The following ARAP2 variants were observed in gnomAD, a reference collection of about 807,000 sequenced individuals.
ARAP2 encodes the protein ArfGAP with RhoGAP domain, ankyrin repeat and PH domain 2.
In ARAP2, 148 loss-of-function variants were observed where a neutral mutation model predicts 194.5. The observed-to-expected ratio is 0.76, with a 90% CI of 0.67 to 0.87. The LOEUF is 0.87. Among genes scored for constraint, ARAP2 ranks in the 40% least tolerant of loss-of-function variants. ARAP2 has a pLI of 0.00. For synonymous variants in ARAP2, 695 were observed against 683.5 expected (o/e 1.02, Z -0.26); for missense variants, 2,128 against 1,989.7 (o/e 1.07, Z -1.32).
At chr4:36,178,698 C>T (rs1221529434) in intron 8 of ARAP2, among the ~76,000 whole-genome samples, 1 of 152,092 alleles carries the variant, frequency 6.6e-6, no homozygotes, top group African/African-American at 2.4e-5. Context: ...AAGATTTGAA[C>T]ACATAATGGA....
At chr4:36,189,766 C>G (rs1452544024) in intron 7 of ARAP2, among the ~76,000 whole-genome samples, 3 of 152,200 alleles carry the variant, frequency 2.0e-5, no homozygotes. Context: ...CTTATCTATT[C>G]ATTTCACTCA....
At chr4:36,158,629 T>A in intron 15 of ARAP2, 101 bp downstream of exon 15, 1 of 1,021,096 alleles carries the variant, frequency 9.8e-7, no homozygotes. Flanking sequence ...TACTTGGAGA[T>A]CAAATCTAAC....
At position 36,148,390 on chromosome 4, in the gene ARAP2, A is replaced by G. The variant is rs745718730; in HGVS notation, c.3000+15T>C. ...TCTTCTCTGGATTTAGAGCAGTAAC[A>G]TAATATTTAAATACCTTGGCTATTG... On this transcript the variant is annotated intron_variant, in intron 17 of 32. Transcript: ENST00000303965. The G allele has an allele frequency of 2.5e-6, 4 of 1,595,436 alleles. No homozygotes were observed. The highest frequency in any genetic ancestry group is 2.2e-5 in the East Asian group (1 of 44,676).
chr4:36,014,285 GAAAGA>G (rs1560264347), intron 8 of ARAP2, among the ~76,000 whole-genome samples: 1 of 133,998 alleles, frequency 7.5e-6, no homozygotes, highest in African/African-American at 2.8e-5. Context: ...AAGAAAGAAA[GAAAGA>G]AAGAAAGAAG....
intron 9 of ARAP2, among the ~76,000 whole-genome samples, chr4:36,169,379 G>A (rs1340347159): frequency 1.3e-5 from 2 of 152,104 alleles, no homozygotes; most frequent in Admixed American, 1.3e-4. Context: ...TATGGAAACT[G>A]ATGAGCCTCA....
At chr4:36,193,507 C>T in intron 7 of ARAP2, 71 bp downstream of exon 7, 3 of 1,036,244 alleles carry the variant, frequency 2.9e-6, no homozygotes, top group South Asian at 1.9e-5. Context: ...TCTTAAAAAC[C>T]AAACTGCTTG....
At chr4:36,011,673 C>CTTATATTGAT (rs1429943331) in intron 9 of ARAP2, among the ~76,000 whole-genome samples, 2 of 152,106 alleles carry the variant, frequency 1.3e-5, no homozygotes, top group Non-Finnish European at 2.9e-5. Flanking sequence ...CATTCTCCTC[C>CTTATATTGAT]TTATATTGAT....
At chr4:36,151,945 C>A (rs1316072605) in intron 15 of ARAP2, among the ~76,000 whole-genome samples, 2 of 152,078 alleles carry the variant, frequency 1.3e-5, no homozygotes, top group Non-Finnish European at 2.9e-5. Flanking sequence ...CTGTAAGTCT[C>A]AAATTATTAG....
Position 36,193,082 on chromosome 4 carries a change from G to A in ARAP2, c.1557+496C>T, listed in dbSNP as rs150961526. Among the ~76,000 whole-genome samples the A allele has an allele frequency of 3.4e-3, 520 of 152,298 alleles. 1 individual carries two copies. Among genetic ancestry groups the A allele is most frequent in the Middle Eastern group, 6.8e-3 (2 of 292 alleles). On this transcript the variant is annotated intron_variant, in intron 7 of 32. Transcript: ENST00000303965. Reference sequence around the variant, plus strand: ...CCAAGAGATGTGTTTATACCGATTTGATGCTCTGAGTCACTGCAAAATGAA... The same window carrying A: ...CCAAGAGATGTGTTTATACCGATTTAATGCTCTGAGTCACTGCAAAATGAA...
chr4:36,143,237 C>T (rs1364865718), intron 19 of ARAP2, among the ~76,000 whole-genome samples: 1 of 151,684 alleles, frequency 6.6e-6, no homozygotes, highest in African/African-American at 2.4e-5. Flanking sequence ...GGTGGACCTC[C>T]CTTCTCTCTA....
chr4:36,062,947 T>C (rs1724699991), downstream of ARAP2, among the ~76,000 whole-genome samples: 1 of 152,326 alleles, frequency 6.6e-6, no homozygotes, highest in African/African-American at 2.4e-5. Flanking sequence ...TCATTAGAAA[T>C]TAAATGTGAT....
chr4:36,093,778 C>A (rs192434271), intron 27 of ARAP2, among the ~76,000 whole-genome samples: 3 of 152,240 alleles, frequency 2.0e-5, no homozygotes, highest in Admixed American at 2.0e-4. Context: ...CCTCCTCCTT[C>A]CGTTTGGAGT....
chr4:36,209,060 A>G (rs1746180367), intron 6 of ARAP2, among the ~76,000 whole-genome samples: 1 of 152,156 alleles, frequency 6.6e-6, no homozygotes, highest in African/African-American at 2.4e-5. Context: ...CCAACCCTGT[A>G]AAGAGCAAGA....
In ARAP2 at chr4:36,167,237, G is replaced by A. The variant is rs556928781; in HGVS notation, c.1858-190C>T. 1.8e-4 allele frequency among the ~76,000 whole-genome samples: 27 copies of A among 152,166 alleles called. 1 individual carries two copies. The highest frequency in any genetic ancestry group is 3.4e-3 in the Middle Eastern group (1 of 294). On this transcript the variant is annotated intron_variant, in intron 9 of 32. Transcript: ENST00000303965. Reference sequence around the variant, plus strand: ...GCTTGACAGTTGGACTATTGATAGCGTATGGGTTTCTTCCATGTGAAAGAA... The same window carrying A: ...GCTTGACAGTTGGACTATTGATAGCATATGGGTTTCTTCCATGTGAAAGAA...
chr4:36,218,482 T>C (rs1386131835), intron 2 of ARAP2, among the ~76,000 whole-genome samples: 1 of 151,724 alleles, frequency 6.6e-6, no homozygotes, highest in Non-Finnish European at 1.5e-5. Flanking sequence ...GCCAAAGACA[T>C]CAACCTATAG....
chr4:36,166,563 A>C (rs113563451), intron 10 of ARAP2, among the ~76,000 whole-genome samples: 3 of 152,176 alleles, frequency 2.0e-5, no homozygotes, highest in African/African-American at 4.8e-5. Context: ...GTATTTGATC[A>C]GGCTAAAAGA....
rs1458975424 is a variant in ARAP2 at position 36,068,196 on chromosome 4, G to A, written c.4826C>T (p.Ala1609Val). The change falls in exon 33 of 33, where the codon GCT (alanine) becomes GTT (valine). Residue 1609 changes from alanine (A) to valine (V), a missense_variant. Ala to Val is a moderately conservative substitution (Grantham distance 64). Coordinates refer to ENST00000303965, the MANE Select transcript of ARAP2 (RefSeq NM_015230.4). ...CTCCAGGCAGTGGGCCACCATGGAA[G>A]CTCTCTCCTTTAAGCTAGAGTCCAC... ...ESVDSSLKER[A>V]SMVAHCLEHK... 6.2e-7 allele frequency: 1 copy of A among 1,613,740 alleles called. No homozygotes were observed. The highest frequency in any genetic ancestry group is 1.7e-5 in the Admixed American group (1 of 59,940).
intron 28 of ARAP2, among the ~76,000 whole-genome samples, chr4:36,087,773 T>C (rs940094249): frequency 1.3e-5 from 2 of 152,122 alleles, no homozygotes; most frequent in African/African-American, 4.8e-5. Flanking sequence ...TCTCTACACA[T>C]AAAATTCTTT....
intron 4 of ARAP2, 31 bp from the exon 5 acceptor site, chr4:36,212,518 A>AG: frequency 6.6e-7 from 1 of 1,522,616 alleles, no homozygotes; most frequent in Non-Finnish European, 9.1e-7. Flanking sequence ...CAAAAAACAC[A>AG]TACTGTTTTG....
Sources: allele counts gnomAD v4.1 joint callset (sites outside exome capture counted in the v4.1 genomes callset), GRCh38; gene constraint gnomAD v4.1.1; transcripts MANE v1.5; gene names NCBI Gene and HGNC (gene_info 2026-07-23, HGNC 2026-07-21).